The following BLVRA variants were observed in gnomAD, a reference collection of about 807,000 sequenced individuals.
BLVRA encodes the protein BVR A.
Under a neutral mutation model 32.8 loss-of-function variants are expected in BLVRA, and 22 were observed. The observed-to-expected ratio is 0.67, with a 90% CI of 0.48 to 0.96. The LOEUF is 0.96. Among genes scored for constraint, BLVRA ranks in the 40% least tolerant of loss-of-function variants. The pLI, the probability that BLVRA is intolerant of heterozygous loss-of-function variation, is 0.00. For synonymous variants in BLVRA, 119 were observed against 141.3 expected, an observed-to-expected ratio of 0.84 and a Z score of 1.12; for missense variants, 323 against 358.1, an observed-to-expected ratio of 0.90 and a Z score of 0.79.
chr7:43,796,711 T>C (rs2095793247), intron 5 of BLVRA, among the ~76,000 whole-genome samples: 1 of 152,114 alleles, frequency 6.6e-6, no homozygotes, highest in Non-Finnish European at 1.5e-5. Flanking sequence ...AATGGACTAA[T>C]CAAACTTAAA....
At chr7:43,762,569 A>T (rs932110647) in intron 1 of BLVRA, among the ~76,000 whole-genome samples, 1 of 149,672 alleles carries the variant, frequency 6.7e-6, no homozygotes, top group South Asian at 2.1e-4. Context: ...GAGCTTTGTC[A>T]GCAATAATTT....
At chr7:43,790,995 A>G (rs1215097830) in intron 3 of BLVRA, among the ~76,000 whole-genome samples, 1 of 152,184 alleles carries the variant, frequency 6.6e-6, no homozygotes, top group East Asian at 1.9e-4. Flanking sequence ...TTGGAGATGA[A>G]GTAATTCAAG....
chr7:43,760,157 C>G (rs1021663946), intron 1 of BLVRA: 1 of 151,980 alleles, frequency 6.6e-6, no homozygotes, highest in East Asian at 1.9e-4. Context: ...TTATAACAGG[C>G]GTGGCATGAG....
At chr7:43,779,296 A>G (rs772277004) in intron 2 of BLVRA, among the ~76,000 whole-genome samples, 1 of 152,128 alleles carries the variant, frequency 6.6e-6, no homozygotes, top group Admixed American at 6.5e-5. Context: ...CCACTATCCT[A>G]TCTTTCTCAT....
intron 5 of BLVRA, 47 bp from the exon 6 acceptor site, chr7:43,800,418 A>G (rs771326195): frequency 3.2e-6 from 5 of 1,550,242 alleles, no homozygotes; most frequent in African/African-American, 1.4e-5. Flanking sequence ...ATGCACACCT[A>G]GACACAACTG....
At chr7:43,792,694 T>C (rs1563547792) in intron 4 of BLVRA, 21 bp from the exon 5 acceptor site, 10 of 1,599,894 alleles carry the variant, frequency 6.3e-6, no homozygotes, top group Non-Finnish European at 8.6e-6. Flanking sequence ...TCTTTCTCTG[T>C]ATTTGTCTCG....
chr7:43,775,889 A>G (rs1339985219), intron 2 of BLVRA, among the ~76,000 whole-genome samples: 2 of 152,144 alleles, frequency 1.3e-5, no homozygotes. Context: ...GTGTTGAGGA[A>G]TTTATCCATT....
Position 43,787,767 on chromosome 7 carries a change from C to G in BLVRA, c.13-137C>G. On this transcript the variant is annotated intron_variant, in intron 2 of 7. Transcript: ENST00000265523. The surrounding 1 kb of genome is among the most constrained non-coding windows in gnomAD (Gnocchi z 4.5). ...ATTTCGGGGACTGTCTCATCCCATCCTGATGCTGTGGCTTCCTGTGTGTTT... is the reference window on the plus strand; with the variant it reads ...ATTTCGGGGACTGTCTCATCCCATCGTGATGCTGTGGCTTCCTGTGTGTTT... 7.4e-7 allele frequency: 1 copy of G among 1,360,516 alleles called. No individual in the cohort carries two copies. The highest frequency in any genetic ancestry group is 1.0e-6 in the Non-Finnish European group (1 of 954,586). The allele number at this position is 1,360,516 out of a possible 1,614,324, so 84.3% of individuals were successfully genotyped here.
intron 2 of BLVRA, among the ~76,000 whole-genome samples, chr7:43,783,260 T>TTC (rs1300663003): frequency 6.6e-6 from 1 of 152,234 alleles, no homozygotes; most frequent in Non-Finnish European, 1.5e-5. Context: ...TCTGTTTTTC[T>TTC]TGCTCCCAGC....
In BLVRA at chr7:43,780,245, C is replaced by T. The variant is rs144858411; in HGVS notation, c.13-7659C>T. Among the ~76,000 whole-genome samples, 3 of 152,266 alleles carry T rather than the reference C, an allele frequency of 2.0e-5. No homozygotes were observed. In the East Asian group the frequency reaches 5.8e-4, roughly 29 times the overall value. On this transcript the variant is annotated intron_variant, in intron 2 of 7. Transcript: ENST00000265523. ...AGGCTGTACTTTCTGCTTTCACCTG[C>T]CCCAAATCTGCTCCTCCTCGAAGGG... is the stretch of plus-strand genomic sequence containing the variant.
chr7:43,782,767 T>C (rs915564317), intron 2 of BLVRA, among the ~76,000 whole-genome samples: 1 of 151,966 alleles, frequency 6.6e-6, no homozygotes, highest in African/African-American at 2.4e-5. Context: ...CTCGGTAGCA[T>C]GAGGTAAGAG....
At chr7:43,777,763 G>T (rs1476954838) in intron 2 of BLVRA, among the ~76,000 whole-genome samples, 1 of 152,072 alleles carries the variant, frequency 6.6e-6, no homozygotes, top group African/African-American at 2.4e-5. Flanking sequence ...CATTCTCCCC[G>T]TCACTTTCAG....
chr7:43,779,292 T>A (rs1386943070), intron 2 of BLVRA, among the ~76,000 whole-genome samples: 1 of 152,202 alleles, frequency 6.6e-6, no homozygotes. Flanking sequence ...GGCTCCACTA[T>A]CCTATCTTTC....
intron 1 of BLVRA, among the ~76,000 whole-genome samples, chr7:43,762,227 A>G (rs547355878): frequency 5.3e-4 from 80 of 152,148 alleles, no homozygotes; most frequent in Non-Finnish European, 9.9e-4. Context: ...TTCTTTGTGT[A>G]TGTGTAGTTG....
rs532187814 is a variant in BLVRA at position 43,792,866 on chromosome 7, T to C, written c.352+54T>C. On this transcript the variant is annotated intron_variant, in intron 5 of 7. Transcript: ENST00000265523. ...TCCAGGATTTCTGTGATATCATCTT[T>C]ATGCCTTTAAAACTTAACCCCATTT... is the stretch of plus-strand genomic sequence containing the variant. 9.6e-5 allele frequency: 149 copies of C among 1,547,530 alleles called. 1 individual carries two copies. Among genetic ancestry groups the C allele is most frequent in the Admixed American group, 2.8e-4 (16 of 57,008 alleles).
intron 3 of BLVRA, 146 bp from the exon 4 acceptor site, chr7:43,791,103 G>A (rs1234082785): frequency 6.9e-7 from 1 of 1,452,368 alleles, no homozygotes; most frequent in Non-Finnish European, 9.3e-7. Context: ...CTCCACAATG[G>A]AAAATAGCCT....
chr7:43,773,408 G>A lies in BLVRA; in HGVS notation c.12+2238G>A, dbSNP rs558073574. On this transcript the variant is annotated intron_variant, in intron 2 of 7. Coordinates refer to ENST00000265523, the MANE Select transcript of BLVRA (RefSeq NM_000712.4). ...GCGGTGTTTGGTTTTTTGTCCTTGC[G>A]ATAGCTTGCTGAGAATGATGATTTC... Among the ~76,000 whole-genome samples the A allele has an allele frequency of 5.5e-4, 83 of 152,030 alleles. 2 individuals carry two copies. The East Asian group carries it at 0.011, about 21-fold the overall frequency.
intron 1 of BLVRA, 50 bp from the exon 2 acceptor site, chr7:43,771,088 G>A (rs2095754161): frequency 3.9e-6 from 6 of 1,554,778 alleles, no homozygotes; most frequent in East Asian, 4.5e-5. Context: ...TTTGCCTGGA[G>A]TTTGGGCAGG....
rs765844132 is a variant in BLVRA at position 43,807,222 on chromosome 7, G to C, written c.878G>C (p.Cys293Ser). The C allele has an allele frequency of 1.9e-6, 3 of 1,605,826 alleles. No individual in the cohort carries two copies. Among genetic ancestry groups the C allele is most frequent in the Non-Finnish European group, 2.5e-6 (3 of 1,179,964 alleles). Residue 293 changes from cysteine to serine, a missense_variant, in exon 8 of 8, where the codon TGT (cysteine) becomes TCT (serine). Coordinates refer to ENST00000265523, the MANE Select transcript of BLVRA (RefSeq NM_000712.4). ...GLAEEIQKYC[C>S]SRK The stretch of plus-strand genomic sequence containing the variant: ...GCAGAAGAAATCCAGAAATATTGCT[G>C]TTCAAGGAAGTAAGAGGAGGAGGTG...
Sources: gnomAD v4.1 joint callset for allele counts (sites outside exome capture counted in the v4.1 genomes callset) on GRCh38, gnomAD v4.1.1 for gene constraint, Gnocchi (gnomAD v3.1) non-coding constraint, MANE v1.5 for transcripts, NCBI Gene and HGNC (gene_info 2026-07-23, HGNC 2026-07-21) for gene names.